Variants in MAPK10 observed in about 807,000 individuals in gnomAD.
MAPK10 encodes JNK3 alpha protein kinase.
MAPK10 carries 25 observed loss-of-function variants against 59.3 expected under a neutral mutation model. The ratio of observed to expected loss-of-function variants is 0.42; its 90% CI spans 0.31 to 0.59. MAPK10 has a LOEUF of 0.59. MAPK10 is among the 20% of genes least tolerant of loss of function. The pLI is 0.15. For missense variants in MAPK10, 351 were observed against 568.9 expected, an observed-to-expected ratio of 0.62 and a Z score of 3.90; for synonymous variants, 190 against 200.5, an observed-to-expected ratio of 0.95 and a Z score of 0.44.
chr4:86,456,596 G>C (rs1218941599), upstream of MAPK10, among the ~76,000 whole-genome samples: 2 of 151,946 alleles, frequency 1.3e-5, no homozygotes, highest in Non-Finnish European at 2.9e-5. Flanking sequence ...AACCCACCTA[G>C]TTTAAATCAG....
intron 2 of MAPK10, among the ~76,000 whole-genome samples, chr4:86,203,912 T>C (rs1445647284): frequency 6.6e-6 from 1 of 151,850 alleles, no homozygotes; most frequent in Non-Finnish European, 1.5e-5. Flanking sequence ...CACTTTAACA[T>C]ACTGTCAAAT....
intron 1 of MAPK10, among the ~76,000 whole-genome samples, chr4:86,429,385 A>C (rs1267769848): frequency 6.6e-6 from 1 of 152,222 alleles, no homozygotes; most frequent in African/African-American, 2.4e-5. Flanking sequence ...TACATAAATG[A>C]AGGCAAGTCC....
chr4:86,176,291 T>C (rs1481833206), intron 3 of MAPK10, among the ~76,000 whole-genome samples: 2 of 152,192 alleles, frequency 1.3e-5, no homozygotes, highest in African/African-American at 2.4e-5. Context: ...TTGCAGAGCA[T>C]GATTACAAAT....
intron 1 of MAPK10, among the ~76,000 whole-genome samples, chr4:86,359,332 T>C (rs1165462109): frequency 1.7e-3 from 219 of 125,500 alleles, no homozygotes; most frequent in South Asian, 2.7e-3. Flanking sequence ...GTGTGTGTGT[T>C]TCTCTCTCTC....
upstream of MAPK10, chr4:86,360,140 GA>G (rs969401292): frequency 8.1e-6 from 8 of 985,794 alleles, no homozygotes; most frequent in African/African-American, 1.7e-5. Context: ...TCAAAGCCCA[GA>G]GAGGTCTAGG....
In MAPK10 at chr4:86,010,828, G is replaced by A. The variant is rs1223745746; in HGVS notation, c.*6400C>T. 6.6e-6 allele frequency: 1 copy of A among 152,134 alleles called. No homozygotes were observed. The highest frequency in any genetic ancestry group is 2.4e-5 in the African/African-American group (1 of 41,442). The allele number at this position is 152,134 out of a possible 1,614,324, so 9.4% of individuals were successfully genotyped here. A position where few individuals can be genotyped will look rare whatever the true frequency, so the allele number is the denominator to read the frequency against. On this transcript the variant is annotated 3_prime_UTR_variant, in exon 14 of 14. Coordinates refer to ENST00000641462, the MANE Select transcript of MAPK10 (RefSeq NM_138982.4). Reference sequence around the variant, plus strand: ...CAGTCTTCTAGGGAATATGTGAGGGGTTTTTAAGATGGATAACATTTTGTA... The same window carrying A: ...CAGTCTTCTAGGGAATATGTGAGGGATTTTTAAGATGGATAACATTTTGTA...
chr4:86,251,145 T>TTTTTA lies in MAPK10; in HGVS notation c.-6-56743_-6-56739dup, dbSNP rs71657510. Among the ~76,000 whole-genome samples the TTTTTA allele has an allele frequency of 8.4e-3, 1,274 of 151,296 alleles. 4 individuals carry two copies. The highest frequency in any genetic ancestry group is 0.012 in the Non-Finnish European group (824 of 67,830). On this transcript the variant is annotated intron_variant, in intron 2 of 13. Transcript: ENST00000641462. ...ATTCTCAATGTTAAATAGAACATCG[T>TTTTTA]TTTTATTTTATTTTATTTTATTTTA... is the stretch of plus-strand genomic sequence containing the variant.
intron 2 of MAPK10, among the ~76,000 whole-genome samples, chr4:86,266,915 T>C (rs564210652): frequency 1.3e-5 from 2 of 152,040 alleles, no homozygotes; most frequent in Non-Finnish European, 2.9e-5. Flanking sequence ...TATAGATATG[T>C]ATTTATGTAT....
At chr4:86,408,481 C>T (rs1352412001) in intron 1 of MAPK10, among the ~76,000 whole-genome samples, 3 of 152,196 alleles carry the variant, frequency 2.0e-5, no homozygotes, top group Admixed American at 2.0e-4. Flanking sequence ...GCCACACTAT[C>T]TTCCACAATG....
chr4:86,076,383 C>A (rs1047808917), intron 9 of MAPK10, among the ~76,000 whole-genome samples: 3 of 152,130 alleles, frequency 2.0e-5, no homozygotes, highest in Non-Finnish European at 4.4e-5. Context: ...AGCTGTAGAC[C>A]GGAGCTGTTC....
chr4:86,180,409 G>T (rs1176313124), intron 3 of MAPK10, among the ~76,000 whole-genome samples: 1 of 151,204 alleles, frequency 6.6e-6, no homozygotes, highest in Non-Finnish European at 1.5e-5. Context: ...CAAGCACTAT[G>T]GAGAACAGTA....
At chr4:86,591,894 CTT>C (rs1763073417) in intron 1 of MAPK10, among the ~76,000 whole-genome samples, 1 of 151,996 alleles carries the variant, frequency 6.6e-6, no homozygotes, top group Non-Finnish European at 1.5e-5. Flanking sequence ...TTGTACTTGA[CTT>C]CAATAGGAAT....
At chr4:86,414,370 T>C (rs76677041) in intron 1 of MAPK10, among the ~76,000 whole-genome samples, 1,553 of 152,236 alleles carry the variant, frequency 0.01, 30 homozygotes, top group African/African-American at 0.035. Context: ...TCATGGCTCA[T>C]TGGGGCACGT....
chr4:86,198,368 A>G (rs1379156958), intron 2 of MAPK10, among the ~76,000 whole-genome samples: 2 of 152,038 alleles, frequency 1.3e-5, no homozygotes, highest in African/African-American at 4.8e-5. Context: ...ACATTACATC[A>G]TCCTATGGGA....
chr4:86,127,160 G>T (rs571331303), intron 4 of MAPK10, among the ~76,000 whole-genome samples: 5 of 140,426 alleles, frequency 3.6e-5, no homozygotes, highest in Non-Finnish European at 4.6e-5. Flanking sequence ...ATAACTAATA[G>T]AATTCACCTC....
intron 1 of MAPK10, among the ~76,000 whole-genome samples, chr4:86,428,471 T>G (rs1410750721): frequency 6.6e-6 from 1 of 152,156 alleles, no homozygotes; most frequent in African/African-American, 2.4e-5. Context: ...CAAAGTTACT[T>G]TCTTTATATA....
chr4:86,297,557 C>A (rs1047926754), intron 2 of MAPK10, among the ~76,000 whole-genome samples: 1 of 152,106 alleles, frequency 6.6e-6, no homozygotes, highest in African/African-American at 2.4e-5. Flanking sequence ...GTGATCCACC[C>A]ACCTCGGCCT....
chr4:86,107,901 T>C (rs2056817966), intron 4 of MAPK10, among the ~76,000 whole-genome samples: 1 of 152,172 alleles, frequency 6.6e-6, no homozygotes, highest in Non-Finnish European at 1.5e-5. Context: ...TCTTGCTATG[T>C]TCCCCAGGCT....
intron 1 of MAPK10, among the ~76,000 whole-genome samples, chr4:86,580,243 A>C (rs1181451121): frequency 6.6e-6 from 1 of 152,188 alleles, no homozygotes; most frequent in Non-Finnish European, 1.5e-5. Context: ...TCACACCTGT[A>C]ATCCCAGCAC....
Sources: allele counts gnomAD v4.1 joint callset (sites outside exome capture counted in the v4.1 genomes callset), GRCh38; gene constraint gnomAD v4.1.1; transcripts MANE v1.5; gene names NCBI Gene and HGNC (gene_info 2026-07-23, HGNC 2026-07-21).